The following IGF1R variants were observed in gnomAD, a reference collection of about 807,000 sequenced individuals.
IGF1R encodes insulin like growth factor 1 receptor, also known as insulin-like growth factor 1 receptor.
Under a neutral mutation model 144.6 loss-of-function variants are expected in IGF1R, and 44 were observed. The observed-to-expected ratio is 0.30, with a 90% CI of 0.24 to 0.39. IGF1R has a LOEUF of 0.39. IGF1R is among the 10% of genes least tolerant of loss of function. IGF1R has a pLI of 1.00. For missense variants in IGF1R, 1,355 were observed against 1,833.7 expected, an observed-to-expected ratio of 0.74 and a Z score of 4.77; for synonymous variants, 795 against 722.8, an observed-to-expected ratio of 1.10 and a Z score of -1.60.
Position 98,649,476 on chromosome 15 carries a change from A to T in IGF1R, c.-106A>T, listed in dbSNP as rs2052285842. On this transcript the variant is annotated 5_prime_UTR_variant, in exon 1 of 21. Coordinates refer to ENST00000650285, the MANE Select transcript of IGF1R (RefSeq NM_000875.5). ...CCTTGTTTTTGGAGGGGGAGCGAAG[A>T]CTGAGTTTGAGACTTGTTTCCTTTC... The T allele has an allele frequency of 1.3e-6, 1 of 790,310 alleles. No individual in the cohort carries two copies. Among genetic ancestry groups the T allele is most frequent in the African/African-American group, 1.8e-5 (1 of 55,292 alleles). The allele number at this position is 790,310 out of a possible 1,614,324, so 49.0% of individuals were successfully genotyped here.
At chr15:98,920,384 C>T (rs2015433487) in intron 10 of IGF1R, among the ~76,000 whole-genome samples, 1 of 152,214 alleles carries the variant, frequency 6.6e-6, no homozygotes, top group Non-Finnish European at 1.5e-5. Flanking sequence ...AAGTAAACTA[C>T]TGAGTATACT....
chr15:98,801,301 A>T (rs1025045872), intron 2 of IGF1R, among the ~76,000 whole-genome samples: 1 of 152,144 alleles, frequency 6.6e-6, no homozygotes, highest in East Asian at 1.9e-4. Context: ...TTGAGGCCCC[A>T]TTGTTGTGGC....
At chr15:98,842,185 C>T (rs1391306142) in intron 2 of IGF1R, among the ~76,000 whole-genome samples, 1 of 152,242 alleles carries the variant, frequency 6.6e-6, no homozygotes, top group African/African-American at 2.4e-5. Context: ...TGGCAAGCCA[C>T]ATAACTACCA....
intron 20 of IGF1R, among the ~76,000 whole-genome samples, chr15:98,949,618 G>A (rs963947691): frequency 2.0e-5 from 3 of 152,092 alleles, no homozygotes; most frequent in African/African-American, 7.2e-5. Flanking sequence ...TGATCTCCCC[G>A]CCTCAGCCTC....
chr15:98,899,591 G>A lies in IGF1R; in HGVS notation c.1217G>A (p.Arg406His), dbSNP rs148662051. Residue 406 changes from arginine (R) to histidine (H), a missense_variant, in exon 5 of 21, where the codon CGC becomes CAC. Physicochemically the swap from Arg to His is conservative, Grantham distance 29 (BLOSUM62 0). This residue lies in a region of IGF1R where 880 missense variants were observed against 1,202.7 expected (regional missense o/e 0.73). Coordinates refer to ENST00000650285, the MANE Select transcript of IGF1R (RefSeq NM_000875.5). ...LVSLSFLKNL[R>H]LILGEEQLEG... The stretch of plus-strand genomic sequence containing the variant: ...TCCTTGTCCTTCCTAAAAAACCTTC[G>A]CCTCATCCTAGGAGAGGAGCAGCTA... 5.1e-5 allele frequency: 82 copies of A among 1,613,964 alleles called. No individual in the cohort carries two copies. The highest frequency in any genetic ancestry group is 6.2e-5 in the Non-Finnish European group (73 of 1,180,014).
At chr15:98,652,980 T>C (rs1312819473) in intron 1 of IGF1R, among the ~76,000 whole-genome samples, 2 of 151,972 alleles carry the variant, frequency 1.3e-5, no homozygotes, top group Admixed American at 6.6e-5. Flanking sequence ...AAATAACTTG[T>C]TATGCTACCT....
intron 1 of IGF1R, among the ~76,000 whole-genome samples, chr15:98,693,119 C>T (rs962686642): frequency 6.6e-6 from 1 of 152,156 alleles, no homozygotes; most frequent in African/African-American, 2.4e-5. Flanking sequence ...CCCCCCTGAC[C>T]CCATATGAAC....
chr15:98,928,284 C>T (rs1406729234), intron 13 of IGF1R, among the ~76,000 whole-genome samples: 1 of 152,164 alleles, frequency 6.6e-6, no homozygotes, highest in Admixed American at 6.5e-5. Flanking sequence ...GGTGTAAAGA[C>T]AAGGATCAGT....
intron 2 of IGF1R, among the ~76,000 whole-genome samples, chr15:98,875,195 G>C (rs2012994559): frequency 7.8e-6 from 1 of 128,910 alleles, no homozygotes; most frequent in South Asian, 2.7e-4. Context: ...TTCCTACAAA[G>C]CTTATTTCTT....
intron 2 of IGF1R, among the ~76,000 whole-genome samples, chr15:98,869,458 G>A (rs1232242187): frequency 2.8e-5 from 4 of 143,350 alleles, no homozygotes; most frequent in Non-Finnish European, 4.5e-5. Flanking sequence ...TTTTTAGACG[G>A]CGTTTCGCCC....
intron 8 of IGF1R, among the ~76,000 whole-genome samples, chr15:98,914,831 A>G (rs977919657): frequency 7.9e-5 from 12 of 152,268 alleles, no homozygotes; most frequent in African/African-American, 2.2e-4. Flanking sequence ...GGTGACACCT[A>G]TCGTAAGAAT....
chr15:98,772,443 TGAAG>T (rs2055608172), intron 2 of IGF1R, among the ~76,000 whole-genome samples: 1 of 150,050 alleles, frequency 6.7e-6, no homozygotes, highest in African/African-American at 2.4e-5. Context: ...AAAATAAACA[TGAAG>T]GAAGACTTCA....
intron 2 of IGF1R, among the ~76,000 whole-genome samples, chr15:98,823,186 A>G (rs1390960447): frequency 2.0e-5 from 3 of 152,262 alleles, no homozygotes; most frequent in East Asian, 3.8e-4. Flanking sequence ...CTTCATGACT[A>G]CATAAGATGT....
chr15:98,700,768 T>A (rs943309460), intron 1 of IGF1R, among the ~76,000 whole-genome samples: 4 of 152,014 alleles, frequency 2.6e-5, no homozygotes, highest in Non-Finnish European at 5.9e-5. Flanking sequence ...TGCCTCTGCT[T>A]GGAGTACCCT....
At chr15:98,883,475 G>T (rs1183400089) in intron 2 of IGF1R, among the ~76,000 whole-genome samples, 1 of 152,234 alleles carries the variant, frequency 6.6e-6, no homozygotes, top group East Asian at 1.9e-4. Context: ...CTTGTTTAAA[G>T]AACTTCAAAC....
At chr15:98,791,457 C>G (rs948652205) in intron 2 of IGF1R, among the ~76,000 whole-genome samples, 1 of 152,048 alleles carries the variant, frequency 6.6e-6, no homozygotes, top group Non-Finnish European at 1.5e-5. Context: ...AGATTAAAAT[C>G]CTGTTTGTGA....
intron 10 of IGF1R, among the ~76,000 whole-genome samples, chr15:98,917,416 T>C (rs1429793472): frequency 1.3e-5 from 2 of 152,184 alleles, no homozygotes; most frequent in African/African-American, 4.8e-5. Flanking sequence ...ACAGCCTGCA[T>C]TGGCTGTTTA....
intron 2 of IGF1R, among the ~76,000 whole-genome samples, chr15:98,761,203 G>A (rs1417563321): frequency 6.6e-6 from 1 of 152,214 alleles, no homozygotes; most frequent in Non-Finnish European, 1.5e-5. Context: ...TGGAGCACCT[G>A]GGTATGTGCA....
At position 98,780,224 on chromosome 15, in the gene IGF1R, T is replaced by C. The variant is rs1194675513; in HGVS notation, c.640+72117T>C. ...GTGTCAGGCACTTTTCTAAGTGCTT[T>C]GCAGTGTATTGTCTCATTTAATAGT... On this transcript the variant is annotated intron_variant, in intron 2 of 20. Coordinates refer to ENST00000650285, the MANE Select transcript of IGF1R (RefSeq NM_000875.5). Among the ~76,000 whole-genome samples the C allele has an allele frequency of 3.3e-5, 5 of 152,140 alleles. No homozygotes were observed. The South Asian group carries it at 8.3e-4, about 25-fold the overall frequency.
Sources: gnomAD v4.1 joint callset for allele counts (sites outside exome capture counted in the v4.1 genomes callset) on GRCh38, gnomAD v4.1.1 for gene constraint, gnomAD v4.1.1 regional missense constraint, MANE v1.5 for transcripts, NCBI Gene and HGNC (gene_info 2026-07-23, HGNC 2026-07-21) for gene names.